Variants in OC90 observed in about 807,000 individuals in gnomAD.
OC90 encodes otoconin 90.
In OC90, 46 loss-of-function variants were observed where a neutral mutation model predicts 47.3. That is an observed-to-expected ratio of 0.97 (90% CI 0.77 to 1.24). The LOEUF (loss-of-function observed/expected upper bound fraction) is 1.24, where lower values mean the gene tolerates loss of function less well. OC90 is among the 50% of genes most tolerant of loss of function. OC90 has a pLI of 0.00. For synonymous variants in OC90, 271 were observed against 219.5 expected (o/e 1.23, Z -2.07); for missense variants, 688 against 583.9 (o/e 1.18, Z -1.84).
At chr8:132,049,190 T>A (rs1438665332) in intron 2 of OC90, among the ~76,000 whole-genome samples, 2 of 151,632 alleles carry the variant, frequency 1.3e-5, no homozygotes, top group African/African-American at 4.9e-5. Context: ...CCTTCTGATG[T>A]TATTTCCTTC....
chr8:132,041,759 C>G (rs1393744924), intron 4 of OC90, 60 bp from the exon 5 acceptor site: 2 of 1,058,898 alleles, frequency 1.9e-6, no homozygotes, highest in Non-Finnish European at 2.8e-6. Context: ...GAGGGCGTCC[C>G]TGTCCCCTGG....
rs893197028 is a variant in OC90, at chr8:132,029,231, A to T, written c.1032-52T>A. The T allele has an allele frequency of 4.9e-6, 7 of 1,419,998 alleles. No individual in the cohort carries two copies. In the Admixed American group the frequency reaches 6.7e-5, roughly 14 times the overall value. The allele number at this position is 1,419,998 out of a possible 1,614,324, so 88.0% of individuals were successfully genotyped here. The stretch of plus-strand genomic sequence containing the variant: ...CTCAGAGCTCCTGGCTTCCCTAGGA[A>T]CCCCCTCAAGCACAGCCTGCTTCTC... On this transcript the variant is annotated intron_variant, in intron 12 of 13. Coordinates refer to ENST00000254627, the MANE Select transcript of OC90 (RefSeq NM_001080399.3).
At chr8:132,040,874 G>C (rs554663178) in intron 6 of OC90, among the ~76,000 whole-genome samples, 170 bp downstream of exon 6, 1 of 152,316 alleles carries the variant, frequency 6.6e-6, no homozygotes, top group East Asian at 1.9e-4. Context: ...CTCTGTGAAA[G>C]ATACAGATGC....
intron 2 of OC90, among the ~76,000 whole-genome samples, chr8:132,050,112 A>G (rs1467372162): frequency 6.6e-6 from 1 of 152,134 alleles, no homozygotes; most frequent in African/African-American, 2.4e-5. Flanking sequence ...GATAGAATGG[A>G]AGTAATAAGC....
chr8:132,031,375 G>A (rs981134580), intron 12 of OC90, among the ~76,000 whole-genome samples: 18 of 152,148 alleles, frequency 1.2e-4, no homozygotes, highest in African/African-American at 4.3e-4. Context: ...TGAGGTCAAC[G>A]AAAATTCTTT....
chr8:132,037,759 G>T (rs550191383), intron 8 of OC90, among the ~76,000 whole-genome samples: 21 of 152,180 alleles, frequency 1.4e-4, no homozygotes, highest in Admixed American at 1.2e-3. Flanking sequence ...GGCAACGAAA[G>T]AACTGAAAAC....
chr8:132,048,441 C>T (rs1823165566), intron 2 of OC90, among the ~76,000 whole-genome samples: 1 of 146,856 alleles, frequency 6.8e-6, no homozygotes, highest in Non-Finnish European at 1.5e-5. Flanking sequence ...AGTCATGGTC[C>T]CAGCTGCACT....
In OC90 at chr8:132,024,380, A is replaced by T; in HGVS notation, c.*101T>A. On this transcript the variant is annotated 3_prime_UTR_variant, in exon 14 of 14. Coordinates refer to ENST00000254627, the MANE Select transcript of OC90 (RefSeq NM_001080399.3). ...CCCTCCCCGCCTCTGAGTTAAAGGAAGGGAAGAAGGCTCCAAGGGACAGAG... is the reference window on the plus strand; with the variant it reads ...CCCTCCCCGCCTCTGAGTTAAAGGATGGGAAGAAGGCTCCAAGGGACAGAG... The T allele has an allele frequency of 1.0e-6, 1 of 966,462 alleles. No individual in the cohort carries two copies. The highest frequency in any genetic ancestry group is 1.5e-6 in the Non-Finnish European group (1 of 667,318). The allele number at this position is 966,462 out of a possible 1,614,324, so 59.9% of individuals were successfully genotyped here.
chr8:132,028,577 AGGAAGGAAGGAAGGAAGGAAGGAG>A (rs1476547370), intron 13 of OC90, among the ~76,000 whole-genome samples: 96 of 23,402 alleles, frequency 4.1e-3, no homozygotes, highest in South Asian at 0.024. Context: ...GAAGGAAGGA[AGGAAGGAAGGAAGGAAGGAAGGAG>A]GGAAGGAGGG....
intron 2 of OC90, among the ~76,000 whole-genome samples, chr8:132,050,826 C>T (rs927098104): frequency 2.0e-5 from 3 of 152,154 alleles, no homozygotes; most frequent in Admixed American, 6.5e-5. Context: ...CATGGAAAAA[C>T]CCCATCTCTA....
chr8:132,050,585 G>A (rs143351029), intron 2 of OC90, among the ~76,000 whole-genome samples: 11 of 152,280 alleles, frequency 7.2e-5, no homozygotes, highest in African/African-American at 2.2e-4. Flanking sequence ...CCTACATGCC[G>A]GCTGTGAGAC....
intron 13 of OC90, among the ~76,000 whole-genome samples, chr8:132,028,372 C>T (rs1160816471): frequency 5.9e-5 from 9 of 151,596 alleles, no homozygotes. Flanking sequence ...CATGGTGGCA[C>T]ATGCCTGTAA....
At chr8:132,029,291 C>G in intron 12 of OC90, 112 bp from the exon 13 acceptor site, 1 of 800,508 alleles carries the variant, frequency 1.2e-6, no homozygotes, top group Non-Finnish European at 2.1e-6. Flanking sequence ...AAGCCAGTGC[C>G]TCCTTTCCAG....
intron 1 of OC90, among the ~76,000 whole-genome samples, chr8:132,056,590 C>T (rs1318560209): frequency 6.6e-6 from 1 of 152,168 alleles, no homozygotes; most frequent in East Asian, 1.9e-4. Context: ...ATTCCTAAAG[C>T]TGGTTAACTT....
At position 132,024,363 on chromosome 8, in the gene OC90, G is replaced by C. The variant is rs575983611; in HGVS notation, c.*118C>G. The C allele has an allele frequency of 1.2e-6, 1 of 819,142 alleles. No homozygotes were observed. 50.7% of individuals were successfully genotyped at this position (819,142 alleles called of 1,614,324 possible). On this transcript the variant is annotated 3_prime_UTR_variant, in exon 14 of 14. Transcript: ENST00000254627. ...GGCTCACGGCCTCTGTTCCCTCCCC[G>C]CCTCTGAGTTAAAGGAAGGGAAGAA...
chr8:132,042,779 G>A (rs1194611544), intron 4 of OC90, among the ~76,000 whole-genome samples: 2 of 152,174 alleles, frequency 1.3e-5, no homozygotes, highest in East Asian at 3.8e-4. Context: ...AGATGGCGAG[G>A]CTGCAAAGAA....
chr8:132,029,025 G>A, intron 13 of OC90, 48 bp downstream of exon 13: 1 of 1,295,320 alleles, frequency 7.7e-7, no homozygotes, highest in Non-Finnish European at 1.1e-6. Flanking sequence ...CAGTCACGAT[G>A]CTGACCTCAA....
intron 5 of OC90, 93 bp from the exon 6 acceptor site, chr8:132,041,249 C>G: frequency 3.7e-6 from 3 of 802,984 alleles, no homozygotes; most frequent in Non-Finnish European, 6.4e-6. Flanking sequence ...CTGGATGGAT[C>G]CTGGCAGTGG....
intron 1 of OC90, among the ~76,000 whole-genome samples, chr8:132,057,367 G>A (rs1823290604): frequency 6.6e-6 from 1 of 152,210 alleles, no homozygotes; most frequent in Admixed American, 6.5e-5. Context: ...GCTCAGATAA[G>A]ACGGCCTGAA....
Sources: allele counts gnomAD v4.1 joint callset (sites outside exome capture counted in the v4.1 genomes callset), GRCh38; gene constraint gnomAD v4.1.1; transcripts MANE v1.5; gene names NCBI Gene and HGNC (gene_info 2026-07-23, HGNC 2026-07-21).